FZD4: variants seen among roughly 807,000 people sequenced by gnomAD.
The protein encoded by FZD4 is frizzled class receptor 4, also known as frizzled-4.
In FZD4, 16 loss-of-function variants were observed where a neutral mutation model predicts 37.3. The observed-to-expected ratio is 0.43, with a 90% CI of 0.29 to 0.65. FZD4 has a LOEUF of 0.65. Among genes scored for constraint, FZD4 ranks in the 30% least tolerant of loss-of-function variants. FZD4 has a pLI of 0.16. For missense variants in FZD4, 599 were observed against 674.3 expected, an observed-to-expected ratio of 0.89 and a Z score of 1.24; for synonymous variants, 246 against 254.8, an observed-to-expected ratio of 0.97 and a Z score of 0.33.
In FZD4 at chr11:86,947,551, G is replaced by A. The variant is rs1043139783; in HGVS notation, c.*3591C>T. 3.3e-5 allele frequency: 5 copies of A among 152,246 alleles called. No individual in the cohort carries two copies. Among genetic ancestry groups the A allele is most frequent in the Non-Finnish European group, 7.3e-5 (5 of 68,098 alleles). 9.4% of individuals were successfully genotyped at this position (152,246 alleles called of 1,614,324 possible). On this transcript the variant is annotated 3_prime_UTR_variant, in exon 2 of 2. Transcript: ENST00000531380. ...GAACCTGAGTTTGGAGAGTGCAGGT[G>A]AGACAGTGACCTGGGAGAGGAAAAT...
Position 86,955,246 on chromosome 11 carries a change from G to T in FZD4, c.-161C>A. 1 of 540,434 alleles carries T rather than the reference G, an allele frequency of 1.9e-6. No homozygotes were observed. Among genetic ancestry groups the T allele is most frequent in the South Asian group, 3.0e-5 (1 of 33,164 alleles). The allele number at this position is 540,434 out of a possible 1,614,324, so 33.5% of individuals were successfully genotyped here. On this transcript the variant is annotated 5_prime_UTR_variant, in exon 1 of 2. Coordinates refer to ENST00000531380, the MANE Select transcript of FZD4 (RefSeq NM_012193.4). Reference sequence around the variant, plus strand: ...GGCCGGCTCTCCAGCAGCTGCGCGCGACTGTGTGGGATTTTAGACGTCCCG... The same window carrying T: ...GGCCGGCTCTCCAGCAGCTGCGCGCTACTGTGTGGGATTTTAGACGTCCCG...
Position 86,951,323 on chromosome 11 carries a change from A to C in FZD4, c.1433T>G (p.Met478Arg). 6.2e-7 allele frequency: 1 copy of C among 1,614,086 alleles called. No homozygotes were observed. The highest frequency in any genetic ancestry group is 8.5e-7 in the Non-Finnish European group (1 of 1,179,942). ...CAACAAAGACATAAAAATTTTCAAC[A>C]TTTCAACAGCCATGTTGGAATCATC... is the stretch of plus-strand genomic sequence containing the variant. ...SADDSNMAVE[M>R]LKIFMSLLVG... The change falls in exon 2 of 2, where the codon ATG becomes AGG. Residue 478 changes from methionine (M) to arginine (R), a missense_variant. Physicochemically the swap from Met to Arg is moderately conservative, Grantham distance 91 (BLOSUM62 -1). This residue lies in a region of FZD4 where 203 missense variants were observed against 196.8 expected (regional missense o/e 1.03). Transcript: ENST00000531380.
rs913210315 is a variant in FZD4 at position 86,947,922 on chromosome 11, A to C, written c.*3220T>G. On this transcript the variant is annotated 3_prime_UTR_variant, in exon 2 of 2. Transcript: ENST00000531380. ...CTGTAGGTTTCAGAGAAAGAAAAACAACCCTCACCTTTTCTCTAGCAAGAT... is the reference window on the plus strand; with the variant it reads ...CTGTAGGTTTCAGAGAAAGAAAAACCACCCTCACCTTTTCTCTAGCAAGAT... The C allele has an allele frequency of 2.6e-5, 4 of 152,244 alleles. No homozygotes were observed. Among genetic ancestry groups the C allele is most frequent in the Non-Finnish European group, 4.4e-5 (3 of 68,062 alleles). The allele number at this position is 152,244 out of a possible 1,614,324, so 9.4% of individuals were successfully genotyped here.
chr11:86,955,346 C>A lies in FZD4; in HGVS notation c.-261G>T. 2.7e-6 allele frequency: 1 copy of A among 368,798 alleles called. No individual in the cohort carries two copies. The highest frequency in any genetic ancestry group is 4.8e-6 in the Non-Finnish European group (1 of 207,582). The allele number at this position is 368,798 out of a possible 1,614,324, so 22.8% of individuals were successfully genotyped here. A position where few individuals can be genotyped will look rare whatever the true frequency, so the allele number is the denominator to read the frequency against. The stretch of plus-strand genomic sequence containing the variant: ...CCCACAAGCCGGCGCCGGCCGCGTC[C>A]GTTCGGCGTCTCCGCGAGGCCAGCC... On this transcript the variant is annotated 5_prime_UTR_variant, in exon 1 of 2. Transcript: ENST00000531380.
In FZD4 at chr11:86,952,164, G is replaced by C; in HGVS notation, c.592C>G (p.Leu198Val). The stretch of plus-strand genomic sequence containing the variant: ...TAGCCACACTTGAGCACACAGTTCA[G>C]GCTCCTTTTCACCCAGATGTACTGA... Reference protein sequence around the residue: ...SDQYIWVKRSLNCVLKCGYDA... With the variant: ...SDQYIWVKRSVNCVLKCGYDA... Residue 198 changes from leucine to valine, a missense_variant, in exon 2 of 2, where the codon CTG becomes GTG. Coordinates refer to ENST00000531380, the MANE Select transcript of FZD4 (RefSeq NM_012193.4). The C allele has an allele frequency of 6.2e-7, 1 of 1,612,312 alleles. No individual in the cohort carries two copies. Among genetic ancestry groups the C allele is most frequent in the African/African-American group, 1.3e-5 (1 of 74,974 alleles).
intron 1 of FZD4, 36 bp downstream of exon 1, chr11:86,954,765 A>G: frequency 1.9e-6 from 3 of 1,568,428 alleles, no homozygotes; most frequent in Non-Finnish European, 2.6e-6. Flanking sequence ...TCCCTCCCCA[A>G]GGGGTCCCGC....
At position 86,951,446 on chromosome 11, in the gene FZD4, A is replaced by G. The variant is rs1329697206; in HGVS notation, c.1310T>C (p.Ile437Thr). 6.2e-7 allele frequency: 1 copy of G among 1,613,622 alleles called. No homozygotes were observed. The highest frequency in any genetic ancestry group is 8.5e-7 in the Non-Finnish European group (1 of 1,179,520). ...TDKLERLMVKIGVFSVLYTVP... is the reference protein window; with the variant it reads ...TDKLERLMVKTGVFSVLYTVP... ...TGTGTACAGTACTGAGAACACCCCA[A>G]TCTTGACCATCAGTCTTTCTAACTT... The change falls in exon 2 of 2, where the codon ATT becomes ACT. Residue 437 changes from isoleucine to threonine, a missense_variant. Physicochemically the swap from Ile to Thr is moderately conservative, Grantham distance 89. Around this residue, in one of 3 missense-constraint regions of FZD4, gnomAD observed 203 missense variants for 196.8 expected, o/e 1.03. Transcript: ENST00000531380.
rs1296102273 is a variant in FZD4 at position 86,951,933 on chromosome 11, C to T, written c.823G>A (p.Val275Ile). 2 of 1,613,898 alleles carry T rather than the reference C, an allele frequency of 1.2e-6. No individual in the cohort carries two copies. Among genetic ancestry groups the T allele is most frequent in the Admixed American group, 1.7e-5 (1 of 60,018 alleles). The change falls in exon 2 of 2, where the codon GTA becomes ATA. Residue 275 changes from valine (V) to isoleucine (I), a missense_variant. Val to Ile is a conservative substitution (Grantham distance 29, BLOSUM62 3). Transcript: ENST00000531380. ...YSIAYIVRLT[V>I]GRERISCDFE... ...TCACAGGATATCCTTTCCCGGCCTACAGTCAGCCTGACAATATAAGCAATG... is the reference window on the plus strand; with the variant it reads ...TCACAGGATATCCTTTCCCGGCCTATAGTCAGCCTGACAATATAAGCAATG...
Position 86,948,767 on chromosome 11 carries a change from C to T in FZD4, c.*2375G>A, listed in dbSNP as rs937663484. 3 of 152,386 alleles carry T rather than the reference C, an allele frequency of 2.0e-5. No individual in the cohort carries two copies. The South Asian group carries it at 6.2e-4, about 32-fold the overall frequency. 9.4% of individuals were successfully genotyped at this position (152,386 alleles called of 1,614,324 possible). A position where few individuals can be genotyped will look rare whatever the true frequency, so the allele number is the denominator to read the frequency against. ...GATCACCTACTCCATGCCTGGCTTT[C>T]TGCTAGATGCTGCCTTGGTCACACA... is the stretch of plus-strand genomic sequence containing the variant. On this transcript the variant is annotated 3_prime_UTR_variant, in exon 2 of 2. Coordinates refer to ENST00000531380, the MANE Select transcript of FZD4 (RefSeq NM_012193.4).
At position 86,951,673 on chromosome 11, in the gene FZD4, G is replaced by T. The variant is rs911795135; in HGVS notation, c.1083C>A (p.Val361=). Residue 361 remains valine, a synonymous_variant, in exon 2 of 2, where the codon GTC becomes GTA. Transcript: ENST00000531380. The part of the protein sequence containing the change: ...AWAIPAVKTI[V]ILIMRLVDAD... ...CATCCACCAGTCTCATAATCAAGATGACAATGGTTTTCACTGCGGGGATGG... is the reference window on the plus strand; with the variant it reads ...CATCCACCAGTCTCATAATCAAGATTACAATGGTTTTCACTGCGGGGATGG... The T allele has an allele frequency of 1.2e-6, 2 of 1,614,154 alleles. No individual in the cohort carries two copies. The highest frequency in any genetic ancestry group is 8.5e-7 in the Non-Finnish European group (1 of 1,179,994).
At position 86,949,320 on chromosome 11, in the gene FZD4, A is replaced by G. The variant is rs1407304499; in HGVS notation, c.*1822T>C. ...GGCATAAGGCTCAAACCAAATTTTT[A>G]AAAAAGAGGAAATGCTTACTTCCAG... On this transcript the variant is annotated 3_prime_UTR_variant, in exon 2 of 2. Transcript: ENST00000531380. 6 of 152,310 alleles carry G rather than the reference A, an allele frequency of 3.9e-5. No individual in the cohort carries two copies. In the East Asian group the frequency reaches 1.2e-3, roughly 29 times the overall value. The allele number at this position is 152,310 out of a possible 1,614,324, so 9.4% of individuals were successfully genotyped here. A position where few individuals can be genotyped will look rare whatever the true frequency, so the allele number is the denominator to read the frequency against.
chr11:86,947,249 T>C lies in FZD4; in HGVS notation c.*3893A>G. On this transcript the variant is annotated 3_prime_UTR_variant, in exon 2 of 2. Transcript: ENST00000531380. ...AACAAACAAACAACAAAAAAAAGGTTCCTTCCAAAGTCTGTGCTCAATGGC... is the reference window on the plus strand; with the variant it reads ...AACAAACAAACAACAAAAAAAAGGTCCCTTCCAAAGTCTGTGCTCAATGGC... 1 of 171,084 alleles carries C rather than the reference T, an allele frequency of 5.8e-6. No individual in the cohort carries two copies. The highest frequency in any genetic ancestry group is 1.2e-5 in the Non-Finnish European group (1 of 80,190). The allele number at this position is 171,084 out of a possible 1,614,324, so 10.6% of individuals were successfully genotyped here. A position where few individuals can be genotyped will look rare whatever the true frequency, so the allele number is the denominator to read the frequency against.
At chr11:86,954,250 C>A in intron 1 of FZD4, 1 of 985,098 alleles carries the variant, frequency 1.0e-6, no homozygotes, top group Non-Finnish European at 1.2e-6. Flanking sequence ...ATTAAACGTG[C>A]CTTCAACTGT....
rs1949327153 is a variant in FZD4, at chr11:86,955,270, C to G, written c.-185G>C. The G allele has an allele frequency of 4.1e-6, 2 of 485,630 alleles. No homozygotes were observed. The highest frequency in any genetic ancestry group is 7.1e-6 in the Non-Finnish European group (2 of 283,624). 30.1% of individuals were successfully genotyped at this position (485,630 alleles called of 1,614,324 possible). On this transcript the variant is annotated 5_prime_UTR_variant, in exon 1 of 2. Transcript: ENST00000531380. The stretch of plus-strand genomic sequence containing the variant: ...CGACTGTGTGGGATTTTAGACGTCC[C>G]GGGCCGAGGCCGAGGGACAGGCTGC...
chr11:86,948,530 T>TA lies in FZD4; in HGVS notation c.*2611dup, dbSNP rs1949263289. On this transcript the variant is annotated 3_prime_UTR_variant, in exon 2 of 2. Transcript: ENST00000531380. ...TCTGGAATGTGAAAGGAGAGGCCTA[T>TA]AACCCTGTAGCATTGCTAAGGCTAC... 1 of 152,176 alleles carries TA rather than the reference T, an allele frequency of 6.6e-6. No homozygotes were observed. The allele number at this position is 152,176 out of a possible 1,614,324, so 9.4% of individuals were successfully genotyped here.
intron 1 of FZD4, 22 bp downstream of exon 1, chr11:86,954,779 G>C: frequency 1.3e-6 from 2 of 1,586,284 alleles, no homozygotes; most frequent in Non-Finnish European, 1.7e-6. Context: ...GTCCCGCCAG[G>C]GGTGGGGGTG....
Position 86,950,021 on chromosome 11 carries a change from C to G in FZD4, c.*1121G>C, listed in dbSNP as rs752918590. The stretch of plus-strand genomic sequence containing the variant: ...ATAAAAAAATTTTTAAAGGCACTAT[C>G]ATTCTGAGAATGCAAGTTGAAGTTG... On this transcript the variant is annotated 3_prime_UTR_variant, in exon 2 of 2. Coordinates refer to ENST00000531380, the MANE Select transcript of FZD4 (RefSeq NM_012193.4). 6.6e-6 allele frequency: 1 copy of G among 152,318 alleles called. No homozygotes were observed. The highest frequency in any genetic ancestry group is 1.5e-5 in the Non-Finnish European group (1 of 68,044). 9.4% of individuals were successfully genotyped at this position (152,318 alleles called of 1,614,324 possible).
In FZD4 at chr11:86,952,047, T is replaced by C; in HGVS notation, c.709A>G (p.Thr237Ala). ...GAATCGATCAGGAAGGTCAGTACTG[T>C]GAAGGCAGTGGAGATGAAACACAGG... is the stretch of plus-strand genomic sequence containing the variant. ...ASLCFISTAF[T>A]VLTFLIDSSR... Residue 237 changes from threonine to alanine, a missense_variant, in exon 2 of 2, where the codon ACA (threonine) becomes GCA (alanine). Physicochemically the swap from Thr to Ala is moderately conservative, Grantham distance 58. This residue lies in a region of FZD4 where 357 missense variants were observed against 396.1 expected (regional missense o/e 0.90). Transcript: ENST00000531380. 1 of 1,614,072 alleles carries C rather than the reference T, an allele frequency of 6.2e-7. No homozygotes were observed. Among genetic ancestry groups the C allele is most frequent in the Non-Finnish European group, 8.5e-7 (1 of 1,179,980 alleles).
At position 86,952,116 on chromosome 11, in the gene FZD4, A is replaced by C; in HGVS notation, c.640T>G (p.Ser214Ala). 1 of 1,614,020 alleles carries C rather than the reference A, an allele frequency of 6.2e-7. No individual in the cohort carries two copies. The highest frequency in any genetic ancestry group is 8.5e-7 in the Non-Finnish European group (1 of 1,179,932). The change falls in exon 2 of 2, where the codon TCA becomes GCA. Residue 214 changes from serine to alanine, a missense_variant. By Grantham distance (99) the Ser-to-Ala change is moderately conservative. Coordinates refer to ENST00000531380, the MANE Select transcript of FZD4 (RefSeq NM_012193.4). Reference protein sequence around the residue: ...CGYDAGLYSRSAKEFTDIWMA... With the variant: ...CGYDAGLYSRAAKEFTDIWMA... Reference sequence around the variant, plus strand: ...CAGATATCAGTGAACTCCTTGGCTGAGCGGCTGTATAAGCCAGCATCATAG... The same window carrying C: ...CAGATATCAGTGAACTCCTTGGCTGCGCGGCTGTATAAGCCAGCATCATAG...
Sources: allele counts gnomAD v4.1 joint callset, GRCh38; gene constraint gnomAD v4.1.1; regional missense constraint gnomAD v4.1.1; transcripts MANE v1.5; gene names NCBI Gene and HGNC (gene_info 2026-07-23, HGNC 2026-07-21).